FCHSD1: variants seen among roughly 807,000 people sequenced by gnomAD.
FCHSD1 encodes F-BAR and double SH3 domains protein 1.
In FCHSD1, 109 loss-of-function variants were observed where a neutral mutation model predicts 101.3. The observed-to-expected ratio is 1.08, with a 90% confidence interval of 0.92 to 1.26. FCHSD1 has a LOEUF of 1.26. Ranked by LOEUF, FCHSD1 falls within the 50% of genes most tolerant of loss-of-function variation. FCHSD1 has a pLI of 0.00. For missense variants in FCHSD1, 820 were observed against 895.8 expected (o/e 0.92, Z 1.08); for synonymous variants, 291 against 356.8 (o/e 0.82, Z 2.08).
intron 2 of FCHSD1, 60 bp from the exon 3 acceptor site, chr5:141,650,464 C>T (rs1162291716): frequency 1.9e-6 from 3 of 1,609,788 alleles, no homozygotes; most frequent in Non-Finnish European, 8.5e-7. Flanking sequence ...GTCCTGTTCT[C>T]CCATCCTCAG....
At position 141,644,716 on chromosome 5, in the gene FCHSD1, T is replaced by C. The variant is rs1176648909; in HGVS notation, c.1525-26A>G. The stretch of plus-strand genomic sequence containing the variant: ...CTGCTCACCCAGCAATGTGAACAGA[T>C]ATTAGACTTACCTCAGCAGTCCATG... On this transcript the variant is annotated intron_variant, in intron 15 of 19. Transcript: ENST00000435817. The C allele has an allele frequency of 1.9e-6, 3 of 1,613,044 alleles. No homozygotes were observed. In the Admixed American group the frequency reaches 5.0e-5, roughly 27 times the overall value.
chr5:141,645,930 C>T lies in FCHSD1; in HGVS notation c.1152G>A (p.Val384=), dbSNP rs975427554. 4 of 1,564,000 alleles carry T rather than the reference C, an allele frequency of 2.6e-6. No homozygotes were observed. In the African/African-American group the frequency reaches 4.1e-5, roughly 16 times the overall value. Residue 384 remains valine (V), a splice_region_variant and synonymous_variant, in exon 13 of 20, where the codon GTG becomes GTA. Coordinates refer to ENST00000435817, the MANE Select transcript of FCHSD1 (RefSeq NM_033449.3). The part of the protein sequence containing the change: ...EVRESIRRAQ[V]SQVKGAARLA... ...GCCGGGCAGCCCCCTTCACCTGGCT[C>T]ACCTGCCATGGGGAGGAAGTAAGTT...
intron 2 of FCHSD1, 54 bp downstream of exon 2, chr5:141,650,966 A>C: frequency 6.7e-7 from 1 of 1,488,344 alleles, no homozygotes; most frequent in East Asian, 2.5e-5. Flanking sequence ...TATTGGGGAG[A>C]AGTGGCGCAC....
chr5:141,641,768 G>A lies in FCHSD1; in HGVS notation c.1952-11C>T. ...AGTCCAGGGCTTTGTCTGGAAATAA[G>A]AACCACAAGTCAGTCTTCAGACTTT... On this transcript the variant is annotated splice_polypyrimidine_tract_variant and intron_variant, in intron 18 of 19. Coordinates refer to ENST00000435817, the MANE Select transcript of FCHSD1 (RefSeq NM_033449.3). The A allele has an allele frequency of 1.2e-6, 2 of 1,613,950 alleles. No homozygotes were observed. Among genetic ancestry groups the A allele is most frequent in the Non-Finnish European group, 1.7e-6 (2 of 1,179,864 alleles).
rs775880422 is a variant in FCHSD1 at position 141,645,062 on chromosome 5, C to T, written c.1398G>A (p.Thr466=). The T allele has an allele frequency of 8.1e-6, 13 of 1,596,330 alleles. No individual in the cohort carries two copies. The highest frequency in any genetic ancestry group is 2.2e-5 in the East Asian group (1 of 44,670). Residue 466 remains threonine, a synonymous_variant, in exon 14 of 20, where the codon ACG becomes ACA. Coordinates refer to ENST00000435817, the MANE Select transcript of FCHSD1 (RefSeq NM_033449.3). Reference sequence around the variant, plus strand: ...CGTGTGCAGGGCAGGGGAGGGCCCTCGTGGCCAGGGCTTGGGGGGCAGGCT... The same window carrying T: ...CGTGTGCAGGGCAGGGGAGGGCCCTTGTGGCCAGGGCTTGGGGGGCAGGCT... ...FEEPAPQALA[T]RALPCPAHVV... is the part of the protein sequence containing the mutation.
At position 141,640,765 on chromosome 5, in the gene FCHSD1, G is replaced by T; in HGVS notation, c.*733C>A. On this transcript the variant is annotated 3_prime_UTR_variant, in exon 20 of 20. Transcript: ENST00000435817. ...CTCCACTGGACAGCACTGCCCCCCA[G>T]CTGAGGGACCAGCTCTACTTCCACC... The T allele has an allele frequency of 8.2e-7, 1 of 1,217,814 alleles. No individual in the cohort carries two copies. Among genetic ancestry groups the T allele is most frequent in the Non-Finnish European group, 1.1e-6 (1 of 882,080 alleles). The allele number at this position is 1,217,814 out of a possible 1,614,324, so 75.4% of individuals were successfully genotyped here. A position where few individuals can be genotyped will look rare whatever the true frequency, so the allele number is the denominator to read the frequency against.
Position 141,646,011 on chromosome 5 carries a change from A to C in FCHSD1, c.1149+76T>G, listed in dbSNP as rs1404941028. 5.2e-6 allele frequency: 8 copies of C among 1,541,302 alleles called. No individual in the cohort carries two copies. In the African/African-American group the frequency reaches 8.2e-5, roughly 16 times the overall value. ...CTCTGCTTCTCCCTTCCTTCCTCCCACCATCAGAAAGAGGAGTAGAGGGAG... is the reference window on the plus strand; with the variant it reads ...CTCTGCTTCTCCCTTCCTTCCTCCCCCCATCAGAAAGAGGAGTAGAGGGAG... On this transcript the variant is annotated intron_variant, in intron 12 of 19. Coordinates refer to ENST00000435817, the MANE Select transcript of FCHSD1 (RefSeq NM_033449.3).
chr5:141,648,893 C>T (rs1175032418), intron 7 of FCHSD1, 64 bp downstream of exon 7: 7 of 1,589,004 alleles, frequency 4.4e-6, no homozygotes, highest in Non-Finnish European at 5.2e-6. Context: ...CACCTATGTT[C>T]CAAACCACTA....
chr5:141,644,673 G>C lies in FCHSD1; in HGVS notation c.1542C>G (p.Gly514=). 6.2e-7 allele frequency: 1 copy of C among 1,613,866 alleles called. No individual in the cohort carries two copies. Among genetic ancestry groups the C allele is most frequent in the South Asian group, 1.1e-5 (1 of 91,088 alleles). The part of the protein sequence containing the change: ...DEWVKARNQH[G]EVGFVPERYL... The stretch of plus-strand genomic sequence containing the variant: ...ATCGCTCAGGGACAAAGCCTACCTC[G>C]CCGTGCTGGTTCCGAGCCTGCTCAC... The change falls in exon 16 of 20, where the codon GGC becomes GGG. Residue 514 remains glycine (G), a synonymous_variant. Coordinates refer to ENST00000435817, the MANE Select transcript of FCHSD1 (RefSeq NM_033449.3).
At position 141,639,742 on chromosome 5, in the gene FCHSD1, T is replaced by C; in HGVS notation, c.*1756A>G. ...AAAGTGGGCCTTGGCTCTTTCCTCC[T>C]GGACTGGGAGCTCCGGCAGAAGTCA... On this transcript the variant is annotated 3_prime_UTR_variant, in exon 20 of 20. Transcript: ENST00000435817. This position sits in a 1 kb window ranked among gnomAD's most constrained non-coding sequence, Gnocchi z 4.4. 1 of 1,372,450 alleles carries C rather than the reference T, an allele frequency of 7.3e-7. No individual in the cohort carries two copies. The highest frequency in any genetic ancestry group is 1.3e-5 in the South Asian group (1 of 75,528). The allele number at this position is 1,372,450 out of a possible 1,614,324, so 85.0% of individuals were successfully genotyped here.
chr5:141,647,659 G>A (rs58908491), intron 8 of FCHSD1, 139 bp from the exon 9 acceptor site: 193,050 of 1,344,170 alleles, frequency 0.14, 14,978 homozygotes, highest in Admixed American at 0.31. Flanking sequence ...AAAGGCCCTC[G>A]TGTGCAGAGC....
intron 11 of FCHSD1, 110 bp downstream of exon 11, chr5:141,646,493 C>T: frequency 6.9e-7 from 1 of 1,448,658 alleles, no homozygotes; most frequent in South Asian, 1.4e-5. Flanking sequence ...AAATACCTTT[C>T]CCTCCCCTCT....
In FCHSD1 at chr5:141,647,227, T is replaced by G; in HGVS notation, c.832A>C (p.Ser278Arg). 6.2e-7 allele frequency: 1 copy of G among 1,603,776 alleles called. No homozygotes were observed. Among genetic ancestry groups the G allele is most frequent in the South Asian group, 1.1e-5 (1 of 88,964 alleles). Residue 278 changes from serine to arginine, a missense_variant, in exon 10 of 20, where the codon AGC becomes CGC. Ser to Arg is a moderately radical substitution (Grantham distance 110, BLOSUM62 -1). Coordinates refer to ENST00000435817, the MANE Select transcript of FCHSD1 (RefSeq NM_033449.3). ...AACAGCTTCAGGTCTTGCTCCCAGC[T>G]TACCTAGGGGTTGGGAAAAGTCAAA... ...HRGEQTTSQV[S>R]WEQDLKLFLQ...
intron 8 of FCHSD1, 80 bp from the exon 9 acceptor site, chr5:141,647,600 G>T: frequency 1.9e-6 from 3 of 1,581,926 alleles, no homozygotes; most frequent in Non-Finnish European, 2.6e-6. Flanking sequence ...GATTTGACAG[G>T]TGATGGGCAT....
In FCHSD1 at chr5:141,646,590, C is replaced by A; in HGVS notation, c.1044+13G>T. 6.2e-7 allele frequency: 1 copy of A among 1,608,318 alleles called. No individual in the cohort carries two copies. Among genetic ancestry groups the A allele is most frequent in the South Asian group, 1.1e-5 (1 of 89,872 alleles). On this transcript the variant is annotated intron_variant, in intron 11 of 19. Transcript: ENST00000435817. The stretch of plus-strand genomic sequence containing the variant: ...AAGAAGGTGCACATGACACCTGTGC[C>A]CCCCCACCTCACCCGATGCCCATGG...
In FCHSD1 at chr5:141,639,675, G is replaced by A; in HGVS notation, c.*1823C>T. 6.3e-7 allele frequency: 1 copy of A among 1,580,040 alleles called. No individual in the cohort carries two copies. The highest frequency in any genetic ancestry group is 8.6e-7 in the Non-Finnish European group (1 of 1,162,400). On this transcript the variant is annotated 3_prime_UTR_variant, in exon 20 of 20. Coordinates refer to ENST00000435817, the MANE Select transcript of FCHSD1 (RefSeq NM_033449.3). This position sits in a 1 kb window ranked among gnomAD's most constrained non-coding sequence, Gnocchi z 4.4. ...GTGGGGCAGGTGCTCCAGGGAAAGG[G>A]GGGCTGAGGTAGGGGGCCCAGTGAT... is the stretch of plus-strand genomic sequence containing the variant.
intron 15 of FCHSD1, 50 bp from the exon 16 acceptor site, chr5:141,644,740 T>C (rs1439425040): frequency 6.2e-7 from 1 of 1,610,594 alleles, no homozygotes; most frequent in East Asian, 2.2e-5. Flanking sequence ...CAGCAGTCCA[T>C]GACCCTGGCT....
At chr5:141,646,014 A>G (rs2052455) in intron 12 of FCHSD1, 73 bp downstream of exon 12, 265,505 of 1,541,528 alleles carry the variant, frequency 0.17, 24,444 homozygotes, top group Admixed American at 0.34. Context: ...TCCTCCCACC[A>G]TCAGAAAGAG....
rs765938641 is a variant in FCHSD1, at chr5:141,649,123, C to T, written c.512+49G>A. 2 of 1,613,772 alleles carry T rather than the reference C, an allele frequency of 1.2e-6. No individual in the cohort carries two copies. The highest frequency in any genetic ancestry group is 1.7e-6 in the Non-Finnish European group (2 of 1,179,740). On this transcript the variant is annotated intron_variant, in intron 6 of 19. Coordinates refer to ENST00000435817, the MANE Select transcript of FCHSD1 (RefSeq NM_033449.3). This position sits in a 1 kb window ranked among gnomAD's most constrained non-coding sequence, Gnocchi z 4.1. Reference sequence around the variant, plus strand: ...ACTTGGCTCCACCCCTAGACAGCCCCACCTCCCTGTTCCCCAACCTTGGGC... The same window carrying T: ...ACTTGGCTCCACCCCTAGACAGCCCTACCTCCCTGTTCCCCAACCTTGGGC...
Sources: gnomAD v4.1 joint callset for allele counts on GRCh38, gnomAD v4.1.1 for gene constraint, Gnocchi (gnomAD v3.1) non-coding constraint, MANE v1.5 for transcripts, NCBI Gene and HGNC (gene_info 2026-07-23, HGNC 2026-07-21) for gene names.